TNRC18: variants seen among roughly 807,000 people sequenced by gnomAD.
TNRC18 encodes the protein trinucleotide repeat-containing gene 18 protein.
In TNRC18, 69 loss-of-function variants were observed where a neutral mutation model predicts 226.7. The ratio of observed to expected loss-of-function variants is 0.30; its 90% confidence interval spans 0.25 to 0.37. TNRC18 has a LOEUF of 0.37. TNRC18 is among the 10% of genes least tolerant of loss of function. The probability of loss-of-function intolerance (pLI) is 1.00; values close to 1 mark genes in which losing one functional copy is unlikely to be tolerated. For missense variants in TNRC18, 4,754 were observed against 4,256.6 expected (o/e 1.12, Z -3.25); for synonymous variants, 2,449 against 1,927.6 (o/e 1.27, Z -7.09).
chr7:5,341,566 C>T (rs752538387), intron 18 of TNRC18, among the ~76,000 whole-genome samples: 2 of 151,978 alleles, frequency 1.3e-5, no homozygotes, highest in East Asian at 1.9e-4. Context: ...GAGTTCAAGA[C>T]CAGCTGGGCC....
rs753459961 is a variant in TNRC18, at chr7:5,315,929, A to G, written c.6862+27T>C. The G allele has an allele frequency of 1.8e-5, 28 of 1,522,572 alleles. No individual in the cohort carries two copies. The South Asian group carries it at 3.4e-4, about 18-fold the overall frequency. 94.3% of individuals were successfully genotyped at this position (1,522,572 alleles called of 1,614,324 possible). A position where few individuals can be genotyped will look rare whatever the true frequency, so the allele number is the denominator to read the frequency against. ...CTGGGTGGGCGGCCCCTGGCAGGAG[A>G]CCGGGTGTCATGAGCTTGTCACTTA... On this transcript the variant is annotated intron_variant, in intron 25 of 29. Coordinates refer to ENST00000430969, the MANE Select transcript of TNRC18 (RefSeq NM_001080495.3).
chr7:5,379,271 TC>T (rs1779230242), intron 5 of TNRC18, among the ~76,000 whole-genome samples: 1 of 151,642 alleles, frequency 6.6e-6, no homozygotes, highest in South Asian at 2.1e-4. Context: ...GCACCGGTAG[TC>T]CCAGGTACTC....
intron 2 of TNRC18, among the ~76,000 whole-genome samples, chr7:5,404,112 C>T (rs1781300598): frequency 6.6e-6 from 1 of 152,178 alleles, no homozygotes; most frequent in Non-Finnish European, 1.5e-5. Flanking sequence ...GTGGACCATG[C>T]CTGTAATCCC....
chr7:5,322,128 A>G (rs1468065628), intron 21 of TNRC18, among the ~76,000 whole-genome samples: 1 of 151,828 alleles, frequency 6.6e-6, no homozygotes, highest in Non-Finnish European at 1.5e-5. Flanking sequence ...AAACACAAAT[A>G]TTACCCAGGT....
At position 5,312,610 on chromosome 7, in the gene TNRC18, T is replaced by C. The variant is rs1444091512; in HGVS notation, c.8281A>G (p.Lys2761Glu). Residue 2761 changes from lysine to glutamate, a missense_variant, in exon 27 of 30, where the codon AAG becomes GAG. Transcript: ENST00000430969. The surrounding 1 kb of genome is among the most constrained non-coding windows in gnomAD (Gnocchi z 6.3). ...AGGCGCTGCCGCTTGGCCAGCTCCTTGGTGGTGGGGAGGTGGACGCCCTCT... is the reference window on the plus strand; with the variant it reads ...AGGCGCTGCCGCTTGGCCAGCTCCTCGGTGGTGGGGAGGTGGACGCCCTCT... Reference protein sequence around the residue: ...KREGVHLPTTKELAKRQRLPS... With the variant: ...KREGVHLPTTEELAKRQRLPS... 1 of 1,610,692 alleles carries C rather than the reference T, an allele frequency of 6.2e-7. No homozygotes were observed. Among genetic ancestry groups the C allele is most frequent in the East Asian group, 2.2e-5 (1 of 44,846 alleles).
chr7:5,339,262 T>C (rs1051265706), intron 18 of TNRC18, among the ~76,000 whole-genome samples: 2 of 150,914 alleles, frequency 1.3e-5, no homozygotes, highest in African/African-American at 4.9e-5. Context: ...TTTTTTGAGA[T>C]GGAGTCTCAC....
In TNRC18 at chr7:5,306,875, CATAAAA is replaced by C. The variant is rs995910341; in HGVS notation, c.*1225_*1230del. The C allele has an allele frequency of 5.6e-5, 5 of 89,886 alleles. No homozygotes were observed. Among genetic ancestry groups the C allele is most frequent in the African/African-American group, 2.5e-4 (4 of 15,852 alleles). The allele number at this position is 89,886 out of a possible 1,614,324, so 5.6% of individuals were successfully genotyped here. ...CCAACAAACAAAATTCCAAAAGAAA[CATAAAA>C]AAAAAAACCAATAATTCCCCCAAAA... On this transcript the variant is annotated 3_prime_UTR_variant, in exon 30 of 30. Coordinates refer to ENST00000430969, the MANE Select transcript of TNRC18 (RefSeq NM_001080495.3).
At chr7:5,381,444 C>G (rs1241575449) in intron 5 of TNRC18, among the ~76,000 whole-genome samples, 1 of 152,110 alleles carries the variant, frequency 6.6e-6, no homozygotes, top group Admixed American at 6.6e-5. Context: ...CATCAGAGCT[C>G]AGCTTCAAGT....
At chr7:5,329,288 A>G (rs1165735751) in intron 19 of TNRC18, among the ~76,000 whole-genome samples, 2 of 151,522 alleles carry the variant, frequency 1.3e-5, no homozygotes, top group Non-Finnish European at 2.9e-5. Flanking sequence ...GGGCAGTAGG[A>G]CAGATTCTGT....
chr7:5,324,285 T>G lies in TNRC18; in HGVS notation c.6371A>C (p.Asn2124Thr), dbSNP rs768032774. 6.2e-7 allele frequency: 1 copy of G among 1,613,472 alleles called. No homozygotes were observed. Among genetic ancestry groups the G allele is most frequent in the Non-Finnish European group, 8.5e-7 (1 of 1,179,712 alleles). The change falls in exon 21 of 30, where the codon AAC becomes ACC. Residue 2124 changes from asparagine (N) to threonine (T), a missense_variant. Physicochemically the swap from Asn to Thr is moderately conservative, Grantham distance 65. Coordinates refer to ENST00000430969, the MANE Select transcript of TNRC18 (RefSeq NM_001080495.3). The surrounding 1 kb of genome is among the most constrained non-coding windows in gnomAD (Gnocchi z 4.8). Reference sequence around the variant, plus strand: ...GTCCTCAGAGAAGCTCGAGTCTTGGTTGGGTTCAAAGTCCTCCTCGGCTGC... The same window carrying G: ...GTCCTCAGAGAAGCTCGAGTCTTGGGTGGGTTCAAAGTCCTCCTCGGCTGC... ...SMAAEEDFEP[N>T]QDSSFSEDEH...
At position 5,376,980 on chromosome 7, in the gene TNRC18, T is replaced by C. The variant is rs754690082; in HGVS notation, c.2475A>G (p.Pro825=). 3 of 1,582,590 alleles carry C rather than the reference T, an allele frequency of 1.9e-6. No homozygotes were observed. The highest frequency in any genetic ancestry group is 2.6e-6 in the Non-Finnish European group (3 of 1,164,772). Residue 825 remains proline (P), a synonymous_variant, in exon 8 of 30, where the codon CCA becomes CCG. Coordinates refer to ENST00000430969, the MANE Select transcript of TNRC18 (RefSeq NM_001080495.3). ...CAGGGGCCATGCCCTGGTGCAGAGA[T>C]GGGGGACCCAAGCCTAGGAGGAGAA... ...LAGHPYGLGP[P]SLHQGMAPAF... is the part of the protein sequence containing the mutation.
chr7:5,363,885 C>T (rs892683252), intron 11 of TNRC18, among the ~76,000 whole-genome samples: 1 of 152,106 alleles, frequency 6.6e-6, no homozygotes, highest in Non-Finnish European at 1.5e-5. Context: ...CCGCTTCCTT[C>T]CTCCTCCAAC....
intron 29 of TNRC18, 62 bp downstream of exon 29, chr7:5,308,813 G>A (rs1170070194): frequency 2.6e-6 from 4 of 1,530,176 alleles, no homozygotes; most frequent in Admixed American, 2.0e-5. Context: ...GGCCCTGTCT[G>A]AGCTGCCCGG....
chr7:5,402,769 G>A (rs1310182797), intron 2 of TNRC18, among the ~76,000 whole-genome samples: 2 of 151,942 alleles, frequency 1.3e-5, no homozygotes, highest in Non-Finnish European at 2.9e-5. Flanking sequence ...CAGGAGAACT[G>A]CTTGAACCCA....
chr7:5,376,917 G>A lies in TNRC18; in HGVS notation c.2538C>T (p.Ala846=), dbSNP rs555187842. ...PPGLGGSLPS[A]YQFVRDPQSG... ...ATTGGGGGTCCCTGACAAACTGGTA[G>A]GCTGACGGGAGGGAGCCCCCCAGGC... The change falls in exon 8 of 30, where the codon GCC becomes GCT. Residue 846 remains alanine (A), a synonymous_variant. Coordinates refer to ENST00000430969, the MANE Select transcript of TNRC18 (RefSeq NM_001080495.3). 1.2e-6 allele frequency: 2 copies of A among 1,606,386 alleles called. No individual in the cohort carries two copies. Among genetic ancestry groups the A allele is most frequent in the African/African-American group, 1.3e-5 (1 of 74,914 alleles).
intron 2 of TNRC18, among the ~76,000 whole-genome samples, chr7:5,409,468 T>A (rs1297357556): frequency 6.6e-6 from 1 of 151,380 alleles, no homozygotes; most frequent in Non-Finnish European, 1.5e-5. Flanking sequence ...CGCACCCCTG[T>A]AGTCCGAGAA....
Position 5,307,408 on chromosome 7 carries a change from G to T in TNRC18, c.*698C>A, listed in dbSNP as rs975890987. 1.2e-5 allele frequency: 4 copies of T among 321,308 alleles called. No homozygotes were observed. The highest frequency in any genetic ancestry group is 2.2e-5 in the African/African-American group (1 of 45,408). 19.9% of individuals were successfully genotyped at this position (321,308 alleles called of 1,614,324 possible). A position where few individuals can be genotyped will look rare whatever the true frequency, so the allele number is the denominator to read the frequency against. On this transcript the variant is annotated 3_prime_UTR_variant, in exon 30 of 30. Transcript: ENST00000430969. ...CTCCCTCCTGGGTGGGGAGGGGCCA[G>T]GCGTGGCCGGGCGACAGTTTCAGCA...
rs1367595182 is a variant in TNRC18, at chr7:5,332,708, T to C, written c.6061A>G (p.Thr2021Ala). 6.5e-7 allele frequency: 1 copy of C among 1,528,730 alleles called. No individual in the cohort carries two copies. The highest frequency in any genetic ancestry group is 1.2e-5 in the South Asian group (1 of 83,026). 94.7% of individuals were successfully genotyped at this position (1,528,730 alleles called of 1,614,324 possible). The change falls in exon 19 of 30, where the codon ACC (threonine) becomes GCC (alanine). Residue 2021 changes from threonine (T) to alanine (A), a missense_variant. Physicochemically the swap from Thr to Ala is moderately conservative, Grantham distance 58. Coordinates refer to ENST00000430969, the MANE Select transcript of TNRC18 (RefSeq NM_001080495.3). ...APAPVSTAPATKTSRCAKGGP... is the reference protein window; with the variant it reads ...APAPVSTAPAAKTSRCAKGGP... ...CCCTTGGCGCAGCGGCTGGTCTTGG[T>C]GGCGGGCGCGGTGCTGACGGGCGCA...
chr7:5,322,286 C>A (rs796684887), intron 21 of TNRC18, among the ~76,000 whole-genome samples: 46 of 148,790 alleles, frequency 3.1e-4, no homozygotes, highest in African/African-American at 1.0e-3. Flanking sequence ...TCTCAATAAT[C>A]ATCATCATCA....
Sources: allele counts gnomAD v4.1 joint callset (sites outside exome capture counted in the v4.1 genomes callset), GRCh38; gene constraint gnomAD v4.1.1; non-coding constraint Gnocchi (gnomAD v3.1); transcripts MANE v1.5; gene names NCBI Gene and HGNC (gene_info 2026-07-23, HGNC 2026-07-21).